ADAM19: variants seen among roughly 807,000 people sequenced by gnomAD.
ADAM19 encodes ADAM metallopeptidase domain 19.
ADAM19 carries 65 observed loss-of-function variants against 114.7 expected under a neutral mutation model. The observed-to-expected ratio is 0.57, with a 90% CI of 0.46 to 0.70. The LOEUF is 0.70. ADAM19 is among the 30% of genes least tolerant of loss of function. The pLI, the probability that ADAM19 is intolerant of heterozygous loss-of-function variation, is 0.00. For missense variants in ADAM19, 1,063 were observed against 1,204.7 expected, an observed-to-expected ratio of 0.88 and a Z score of 1.74; for synonymous variants, 466 against 460.5, an observed-to-expected ratio of 1.01 and a Z score of -0.15.
intron 2 of ADAM19, chr5:157,569,095 A>G (rs1459248564): frequency 2.0e-5 from 3 of 152,150 alleles, no homozygotes; most frequent in African/African-American, 7.2e-5. Flanking sequence ...GTTAAAAGTA[A>G]TCTGCTCTAG....
At chr5:157,499,770 TCTC>T (rs1755496124) in intron 12 of ADAM19, 108 bp from the exon 13 acceptor site, 1 of 548,462 alleles carries the variant, frequency 1.8e-6, no homozygotes, top group Non-Finnish European at 3.2e-6. Context: ...CTAGCAACTA[TCTC>T]TTTTTTTTTT....
chr5:157,532,758 T>A (rs1345396209), intron 4 of ADAM19, among the ~76,000 whole-genome samples: 1 of 152,276 alleles, frequency 6.6e-6, no homozygotes, highest in Middle Eastern at 3.4e-3. Context: ...ACCCCGTGTG[T>A]CTGTATTCTC....
chr5:157,554,597 G>A (rs1219116075), intron 3 of ADAM19, among the ~76,000 whole-genome samples: 1 of 152,196 alleles, frequency 6.6e-6, no homozygotes, highest in Non-Finnish European at 1.5e-5. Flanking sequence ...TTTCCTCCCA[G>A]GGGCAATGGG....
rs10050985 is a variant in ADAM19 at position 157,510,724 on chromosome 5, C to T, written c.739-1257G>A. Among the ~76,000 whole-genome samples the T allele has an allele frequency of 3.7e-3, 559 of 152,222 alleles. 5 individuals carry two copies. Among genetic ancestry groups the T allele is most frequent in the African/African-American group, 0.013 (520 of 41,518 alleles). ...ATGTATCCATGTGTTAGAGTGTATT[C>T]GTTTATGATTTCTCTTTATTGCTGA... is the stretch of plus-strand genomic sequence containing the variant. On this transcript the variant is annotated intron_variant, in intron 8 of 22. Transcript: ENST00000257527.
chr5:157,565,484 C>T (rs1429491139), intron 2 of ADAM19, among the ~76,000 whole-genome samples: 2 of 151,962 alleles, frequency 1.3e-5, no homozygotes, highest in African/African-American at 4.8e-5. Flanking sequence ...TTTGGGAGGC[C>T]GAGGCAGGCA....
chr5:157,523,730 T>A (rs1367622769), intron 5 of ADAM19, among the ~76,000 whole-genome samples: 1 of 152,142 alleles, frequency 6.6e-6, no homozygotes, highest in Non-Finnish European at 1.5e-5. Flanking sequence ...CCTTACGTAT[T>A]CCTTTATAGC....
rs995706168 is a variant in ADAM19, at chr5:157,478,078, A to T, written c.*2871T>A. 10 of 183,630 alleles carry T rather than the reference A, an allele frequency of 5.4e-5. No homozygotes were observed. The highest frequency in any genetic ancestry group is 1.0e-4 in the Non-Finnish European group (9 of 86,114). The allele number at this position is 183,630 out of a possible 1,614,324, so 11.4% of individuals were successfully genotyped here. Reference sequence around the variant, plus strand: ...AAATCCCTTGAGGTTTGTTTTAGAGATGGCTCCAAGGCCCTTAAAAAAAAA... The same window carrying T: ...AAATCCCTTGAGGTTTGTTTTAGAGTTGGCTCCAAGGCCCTTAAAAAAAAA... On this transcript the variant is annotated 3_prime_UTR_variant, in exon 23 of 23. Coordinates refer to ENST00000257527, the MANE Select transcript of ADAM19 (RefSeq NM_033274.5).
intron 9 of ADAM19, among the ~76,000 whole-genome samples, chr5:157,508,712 A>G (rs1755821929): frequency 6.6e-6 from 1 of 152,108 alleles, no homozygotes; most frequent in Non-Finnish European, 1.5e-5. Flanking sequence ...CCAAATAATC[A>G]CCCTGGGGCA....
Position 157,481,401 on chromosome 5 carries a change from GCCTCCC to G in ADAM19, c.2703+384_2703+389del, listed in dbSNP as rs2113680874. ...TACGAGGAGGGGCCAAGTGTACACA[GCCTCCC>G]GCAGGCCAGGTGGCTTCTACTAATG... On this transcript the variant is annotated intron_variant, in intron 22 of 22. Coordinates refer to ENST00000257527, the MANE Select transcript of ADAM19 (RefSeq NM_033274.5). 15 of 606,552 alleles carry G rather than the reference GCCTCCC, an allele frequency of 2.5e-5. No individual in the cohort carries two copies. The East Asian group carries it at 4.2e-4, about 17-fold the overall frequency. The allele number at this position is 606,552 out of a possible 1,614,324, so 37.6% of individuals were successfully genotyped here. A position where few individuals can be genotyped will look rare whatever the true frequency, so the allele number is the denominator to read the frequency against.
chr5:157,571,524 T>C (rs1166792079), intron 1 of ADAM19, among the ~76,000 whole-genome samples: 1 of 152,320 alleles, frequency 6.6e-6, no homozygotes, highest in African/African-American at 2.4e-5. Context: ...ATGGGTCTGA[T>C]AATGCAGAGA....
At chr5:157,493,239 C>A in intron 15 of ADAM19, 62 bp from the exon 16 acceptor site, 1 of 1,562,202 alleles carries the variant, frequency 6.4e-7, no homozygotes, top group Non-Finnish European at 8.8e-7. Context: ...AGCTGGGGCA[C>A]CAGAGAGCTT....
intron 4 of ADAM19, 54 bp downstream of exon 4, chr5:157,537,859 A>C: frequency 6.6e-7 from 1 of 1,504,520 alleles, no homozygotes; most frequent in African/African-American, 1.4e-5. Flanking sequence ...AGGTCCTAGG[A>C]GTAGGGCTGG....
intron 21 of ADAM19, among the ~76,000 whole-genome samples, chr5:157,483,209 TA>T (rs35642221): frequency 0.12 from 18,070 of 151,834 alleles, 1,178 homozygotes; most frequent in Middle Eastern, 0.16. Flanking sequence ...TAAAGTATAA[TA>T]AAAAAAATTA....
In ADAM19 at chr5:157,534,077, G is replaced by A. The variant is rs1017840347; in HGVS notation, c.331-3194C>T. On this transcript the variant is annotated intron_variant, in intron 4 of 22. Transcript: ENST00000257527. ...GAGTGTTCACAGCCCTAGTTCTCTC[G>A]AAAATAGAGCACCTGGCTTCTGTAG... is the stretch of plus-strand genomic sequence containing the variant. Among the ~76,000 whole-genome samples the A allele has an allele frequency of 3.3e-5, 5 of 152,272 alleles. 1 individual carries two copies. The highest frequency in any genetic ancestry group is 6.5e-5 in the Admixed American group (1 of 15,298).
At chr5:157,513,898 C>T (rs1237203148) in intron 7 of ADAM19, among the ~76,000 whole-genome samples, 2 of 152,244 alleles carry the variant, frequency 1.3e-5, no homozygotes, top group Non-Finnish European at 2.9e-5. Flanking sequence ...GCCACCATTA[C>T]ACAGATCTCA....
chr5:157,490,160 C>T, intron 19 of ADAM19, 150 bp downstream of exon 19: 1 of 782,822 alleles, frequency 1.3e-6, no homozygotes, highest in Non-Finnish European at 2.0e-6. Flanking sequence ...ATGCCTGTCA[C>T]AGTCATAGCA....
At chr5:157,574,996 G>T (rs906942858) in intron 1 of ADAM19, among the ~76,000 whole-genome samples, 2 of 152,334 alleles carry the variant, frequency 1.3e-5, no homozygotes, top group African/African-American at 4.8e-5. Flanking sequence ...TCTGTGAAAT[G>T]GGTGCGTTTG....
intron 2 of ADAM19, 93 bp downstream of exon 2, chr5:157,570,802 T>C: frequency 9.1e-7 from 1 of 1,093,444 alleles, no homozygotes; most frequent in East Asian, 2.4e-5. Flanking sequence ...ACAGAACTAA[T>C]GGTGATGACT....
Position 157,491,644 on chromosome 5 carries a change from C to T in ADAM19, c.2066G>A (p.Ser689Asn). The change falls in exon 18 of 23, where the codon AGT becomes AAT. Residue 689 changes from serine (S) to asparagine (N), a missense_variant. Ser to Asn is a conservative substitution (Grantham distance 46). This residue lies in a region of ADAM19 where 424 missense variants were observed against 445.5 expected (regional missense o/e 0.95). Coordinates refer to ENST00000257527, the MANE Select transcript of ADAM19 (RefSeq NM_033274.5). ...AGGGGGCATAGGCCCACTGTCGATA[C>T]TGCCCCCGTGGCCCGGTGTGTTGCA... ...PFCNTPGHGGSIDSGPMPPES... is the reference protein window; with the variant it reads ...PFCNTPGHGGNIDSGPMPPES... 1 of 1,549,944 alleles carries T rather than the reference C, an allele frequency of 6.5e-7. No homozygotes were observed. Among genetic ancestry groups the T allele is most frequent in the Non-Finnish European group, 8.7e-7 (1 of 1,147,312 alleles).
Sources: allele counts gnomAD v4.1 joint callset (sites outside exome capture counted in the v4.1 genomes callset), GRCh38; gene constraint gnomAD v4.1.1; regional missense constraint gnomAD v4.1.1; transcripts MANE v1.5; gene names NCBI Gene and HGNC (gene_info 2026-07-23, HGNC 2026-07-21).